The following SET variants were observed in gnomAD, a reference collection of about 807,000 sequenced individuals.
SET encodes SET nuclear proto-oncogene.
Under a neutral mutation model 39.0 loss-of-function variants are expected in SET, and 4 were observed. The ratio of observed to expected loss-of-function variants is 0.10; its 90% CI spans 0.05 to 0.23. SET has a LOEUF of 0.23. SET is among the 10% of genes least tolerant of loss of function. The pLI, the probability that SET is intolerant of heterozygous loss-of-function variation, is 1.00. For synonymous variants in SET, 114 were observed against 115.9 expected (o/e 0.98, Z 0.11); for missense variants, 137 against 329.7 (o/e 0.42, Z 4.53).
chr9:128,689,435 G>T lies in SET; in HGVS notation c.-148G>T. 1.5e-6 allele frequency: 1 copy of T among 674,242 alleles called. No homozygotes were observed. Among genetic ancestry groups the T allele is most frequent in the Non-Finnish European group, 2.0e-6 (1 of 507,272 alleles). 41.8% of individuals were successfully genotyped at this position (674,242 alleles called of 1,614,324 possible). On this transcript the variant is annotated 5_prime_UTR_variant, in exon 1 of 8. Coordinates refer to ENST00000322030, the MANE Select transcript of SET (RefSeq NM_003011.4). ...AGGGTAGCGCGCGCGAGCGAGCGAGGGGGAGGGAGAGCGAGCGAGCGCCGG... is the reference window on the plus strand; with the variant it reads ...AGGGTAGCGCGCGCGAGCGAGCGAGTGGGAGGGAGAGCGAGCGAGCGCCGG...
At chr9:128,694,103 GGT>G in intron 7 of SET, 61 bp downstream of exon 7, 2 of 1,181,280 alleles carry the variant, frequency 1.7e-6, no homozygotes, top group Non-Finnish European at 1.1e-6. Flanking sequence ...GTTATTTTGG[GGT>G]GTATATATAT....
In SET at chr9:128,689,230, G is replaced by T; in HGVS notation, c.-353G>T. 5.0e-6 allele frequency: 5 copies of T among 997,554 alleles called. No homozygotes were observed. The highest frequency in any genetic ancestry group is 6.0e-6 in the Non-Finnish European group (5 of 837,362). The allele number at this position is 997,554 out of a possible 1,614,324, so 61.8% of individuals were successfully genotyped here. On this transcript the variant is annotated 5_prime_UTR_variant, in exon 1 of 8. Transcript: ENST00000322030. ...CTGCGCCCTGCGCCCGCCCCTCGCC[G>T]TAGGAGGAGGTGGAGGAGGAGGCGG...
At chr9:128,689,027 G>A (rs1341941922), upstream of SET, among the ~76,000 whole-genome samples, 1 of 151,052 alleles carries the variant, frequency 6.6e-6, no homozygotes, top group Non-Finnish European at 1.5e-5. Context: ...GGAGAGCGGG[G>A]GAGGGGACGC....
At chr9:128,689,026 G>A (rs979962637), upstream of SET, among the ~76,000 whole-genome samples, 2 of 150,958 alleles carry the variant, frequency 1.3e-5, no homozygotes, top group Non-Finnish European at 3.0e-5. Flanking sequence ...GGGAGAGCGG[G>A]GGAGGGGACG....
At chr9:128,687,414 C>T (rs190182210), upstream of SET, among the ~76,000 whole-genome samples, 155 of 152,144 alleles carry the variant, frequency 1.0e-3, no homozygotes, top group African/African-American at 3.7e-3. Flanking sequence ...TGAGACCAGT[C>T]TGGCCAACAT....
chr9:128,684,073 TA>T, intron 1 of SET: 1 of 1,287,154 alleles, frequency 7.8e-7, no homozygotes, highest in Non-Finnish European at 1.1e-6. Context: ...CTCTGATTTT[TA>T]CCCCCCAATC....
rs779630369 is a variant in SET, at chr9:128,691,844, T to C, written c.132-14T>C. ...AATACTATCATTGTCAACATCTCTTTTCATTTGCTTCAGACTTAATGAACA... is the reference window on the plus strand; with the variant it reads ...AATACTATCATTGTCAACATCTCTTCTCATTTGCTTCAGACTTAATGAACA... On this transcript the variant is annotated splice_polypyrimidine_tract_variant and intron_variant, in intron 2 of 7. Transcript: ENST00000322030. The C allele has an allele frequency of 1.2e-6, 2 of 1,603,096 alleles. No homozygotes were observed. Among genetic ancestry groups the C allele is most frequent in the African/African-American group, 2.7e-5 (2 of 74,572 alleles).
At position 128,689,438 on chromosome 9, in the gene SET, G is replaced by A; in HGVS notation, c.-145G>A. The A allele has an allele frequency of 3.5e-6, 2 of 565,430 alleles. No individual in the cohort carries two copies. Among genetic ancestry groups the A allele is most frequent in the Non-Finnish European group, 4.9e-6 (2 of 408,352 alleles). The allele number at this position is 565,430 out of a possible 1,614,324, so 35.0% of individuals were successfully genotyped here. The stretch of plus-strand genomic sequence containing the variant: ...GTAGCGCGCGCGAGCGAGCGAGGGG[G>A]AGGGAGAGCGAGCGAGCGCCGGGAG... On this transcript the variant is annotated 5_prime_UTR_variant, in exon 1 of 8. Transcript: ENST00000322030.
At chr9:128,691,270 G>A (rs1482530779) in intron 2 of SET, 43 bp downstream of exon 2, 1 of 1,192,520 alleles carries the variant, frequency 8.4e-7, no homozygotes, top group Admixed American at 1.9e-5. Context: ...TTTCTGAGAT[G>A]TGTCTAATAG....
rs1213529510 is a variant in SET, at chr9:128,695,147, AAAG to A, written c.*486_*488del. On this transcript the variant is annotated 3_prime_UTR_variant, in exon 8 of 8. Coordinates refer to ENST00000322030, the MANE Select transcript of SET (RefSeq NM_003011.4). ...TCTGTCTACTTTCTCTTGTTTAAAA[AAAG>A]AAAAAAAAACTTAAAAAAATGGGGT... 4.5e-6 allele frequency: 1 copy of A among 223,898 alleles called. No individual in the cohort carries two copies. The highest frequency in any genetic ancestry group is 9.0e-6 in the Non-Finnish European group (1 of 111,364). The allele number at this position is 223,898 out of a possible 1,614,324, so 13.9% of individuals were successfully genotyped here.
chr9:128,690,073 T>G (rs1861466080), intron 1 of SET: 1 of 759,436 alleles, frequency 1.3e-6, no homozygotes, highest in African/African-American at 1.9e-5. Context: ...GCGGTTCCGC[T>G]TCGCGCCCGG....
upstream of SET, among the ~76,000 whole-genome samples, chr9:128,689,009 C>CGGAGAGG (rs1460201449): frequency 6.6e-6 from 1 of 151,294 alleles, no homozygotes; most frequent in Non-Finnish European, 1.5e-5. Flanking sequence ...TGGGTCGGGC[C>CGGAGAGG]GGAGAGGGGA....
Position 128,695,496 on chromosome 9 carries a change from A to G in SET, c.*832A>G, listed in dbSNP as rs1159836305. 4.5e-6 allele frequency: 1 copy of G among 222,814 alleles called. No homozygotes were observed. Among genetic ancestry groups the G allele is most frequent in the Non-Finnish European group, 9.2e-6 (1 of 109,142 alleles). The allele number at this position is 222,814 out of a possible 1,614,324, so 13.8% of individuals were successfully genotyped here. ...CAGTTTTAAACGTTAAAAGTGTACA[A>G]GTTGCTTTGTTACAATAAAACTAAA... On this transcript the variant is annotated 3_prime_UTR_variant, in exon 8 of 8. Coordinates refer to ENST00000322030, the MANE Select transcript of SET (RefSeq NM_003011.4).
chr9:128,695,946 T>G lies in SET; in HGVS notation c.*1282T>G. ...GTTATACACGGGACAGTTGCTGGCA[T>G]GTCTTCATTGGCTATATAAAATGTG... is the stretch of plus-strand genomic sequence containing the variant. On this transcript the variant is annotated 3_prime_UTR_variant, in exon 8 of 8. Coordinates refer to ENST00000322030, the MANE Select transcript of SET (RefSeq NM_003011.4). 4.4e-6 allele frequency: 1 copy of G among 226,362 alleles called. No homozygotes were observed. The highest frequency in any genetic ancestry group is 8.8e-6 in the Non-Finnish European group (1 of 113,140). The allele number at this position is 226,362 out of a possible 1,614,324, so 14.0% of individuals were successfully genotyped here.
chr9:128,692,258 C>T (rs1400526805), intron 3 of SET: 3 of 365,054 alleles, frequency 8.2e-6, no homozygotes, highest in East Asian at 5.0e-5. Context: ...GGCGTGGTGG[C>T]GCGCGCTTGT....
intron 1 of SET, chr9:128,690,216 G>C (rs1055118968): frequency 2.6e-5 from 4 of 153,520 alleles, no homozygotes; most frequent in Admixed American, 1.3e-4. Context: ...CCGGGAGGAT[G>C]CTCTGGCCAG....
At chr9:128,692,084 C>T (rs1861556604) in intron 3 of SET, 84 bp downstream of exon 3, 2 of 1,513,322 alleles carry the variant, frequency 1.3e-6, no homozygotes, top group South Asian at 2.4e-5. Context: ...GTCCAGCATG[C>T]TGGGTTGCGT....
upstream of SET, among the ~76,000 whole-genome samples, chr9:128,686,127 C>T (rs1370753460): frequency 1.3e-5 from 2 of 152,072 alleles, no homozygotes; most frequent in Non-Finnish European, 2.9e-5. Context: ...TGCAGAGCTT[C>T]TGGTGTTGGA....
upstream of SET, among the ~76,000 whole-genome samples, chr9:128,684,588 A>G (rs1472088169): frequency 6.6e-6 from 1 of 151,324 alleles, no homozygotes; most frequent in African/African-American, 2.4e-5. Context: ...TGGCCCGCCA[A>G]CCCGGTCCCC....
Sources: allele counts gnomAD v4.1 joint callset (sites outside exome capture counted in the v4.1 genomes callset), GRCh38; gene constraint gnomAD v4.1.1; transcripts MANE v1.5; gene names NCBI Gene and HGNC (gene_info 2026-07-23, HGNC 2026-07-21).